AGFG2: variants seen among roughly 807,000 people sequenced by gnomAD.
The protein encoded by AGFG2 is ArfGAP with FG repeats 2.
AGFG2 carries 31 observed loss-of-function variants against 48.0 expected under a neutral mutation model. The observed-to-expected ratio is 0.65, with a 90% CI of 0.49 to 0.87. AGFG2 has a LOEUF of 0.87. AGFG2 is among the 40% of genes least tolerant of loss of function. The pLI, the probability that AGFG2 is intolerant of heterozygous loss-of-function variation, is 0.00. For synonymous variants in AGFG2, 229 were observed against 260.8 expected, an observed-to-expected ratio of 0.88 and a Z score of 1.18; for missense variants, 599 against 632.6, an observed-to-expected ratio of 0.95 and a Z score of 0.57.
intron 1 of AGFG2, among the ~76,000 whole-genome samples, chr7:100,545,928 G>A (rs1039512073): frequency 5.3e-5 from 8 of 152,164 alleles, no homozygotes; most frequent in African/African-American, 1.9e-4. Flanking sequence ...CTGACTCATA[G>A]GCCATGTAAC....
intron 3 of AGFG2, among the ~76,000 whole-genome samples, chr7:100,551,231 A>G (rs528728798): frequency 3.3e-5 from 5 of 150,220 alleles, no homozygotes; most frequent in Admixed American, 1.3e-4. Context: ...CACCACACCC[A>G]GCTAATTTTT....
intron 5 of AGFG2, 86 bp downstream of exon 5, chr7:100,554,344 T>G: frequency 6.8e-7 from 1 of 1,464,548 alleles, no homozygotes; most frequent in Non-Finnish European, 9.1e-7. Context: ...ACCATGGCTC[T>G]AGATCTTCTC....
At chr7:100,561,826 G>A (rs891332520) in intron 6 of AGFG2, among the ~76,000 whole-genome samples, 3 of 152,212 alleles carry the variant, frequency 2.0e-5, no homozygotes, top group African/African-American at 7.2e-5. Context: ...CCTCCTGAGT[G>A]TGATGGGACT....
At chr7:100,558,070 C>T (rs1050600393) in intron 6 of AGFG2, among the ~76,000 whole-genome samples, 5 of 151,998 alleles carry the variant, frequency 3.3e-5, no homozygotes, top group Non-Finnish European at 5.9e-5. Flanking sequence ...AAATATTAGC[C>T]GGGCATGGTG....
chr7:100,558,916 A>C (rs1223028452), intron 6 of AGFG2, among the ~76,000 whole-genome samples: 1 of 152,018 alleles, frequency 6.6e-6, no homozygotes, highest in Non-Finnish European at 1.5e-5. Flanking sequence ...GGGGTGCATC[A>C]TTTGAGGTCA....
rs1800911119 is a variant in AGFG2, at chr7:100,562,923, T to C, written c.1148T>C (p.Phe383Ser). The part of the protein sequence containing the change: ...AQSPLPSTNP[F>S]QPNGLAPGPG... Reference sequence around the variant, plus strand: ...TCCCCGCTGCCTTCCACCAACCCGTTCCAGCCCAATGGCTTGGCGCCAGGT... The same window carrying C: ...TCCCCGCTGCCTTCCACCAACCCGTCCCAGCCCAATGGCTTGGCGCCAGGT... The change falls in exon 9 of 12, where the codon TTC becomes TCC. Residue 383 changes from phenylalanine to serine, a missense_variant. Coordinates refer to ENST00000300176, the MANE Select transcript of AGFG2 (RefSeq NM_006076.5). This position sits in a 1 kb window ranked among gnomAD's most constrained non-coding sequence, Gnocchi z 5.4. 6.2e-7 allele frequency: 1 copy of C among 1,614,046 alleles called. No individual in the cohort carries two copies. The highest frequency in any genetic ancestry group is 8.5e-7 in the Non-Finnish European group (1 of 1,179,968).
At chr7:100,560,300 T>C (rs1035231771) in intron 6 of AGFG2, among the ~76,000 whole-genome samples, 1 of 152,022 alleles carries the variant, frequency 6.6e-6, no homozygotes, top group Non-Finnish European at 1.5e-5. Flanking sequence ...TGCCTCAGCC[T>C]CCCGTGTAGT....
chr7:100,560,068 C>A (rs137961939), intron 6 of AGFG2, among the ~76,000 whole-genome samples: 2 of 152,086 alleles, frequency 1.3e-5, no homozygotes, highest in Non-Finnish European at 2.9e-5. Flanking sequence ...GTCAGCCATC[C>A]GAGGAAAGGG....
chr7:100,551,034 A>ATATATT (rs1800622900), intron 3 of AGFG2, among the ~76,000 whole-genome samples: 1 of 37,776 alleles, frequency 2.6e-5, no homozygotes, highest in Non-Finnish European at 5.9e-5. Flanking sequence ...GCTAATTTAT[A>ATATATT]TATATATATA....
intron 6 of AGFG2, among the ~76,000 whole-genome samples, chr7:100,558,768 C>CA (rs1184186758): frequency 2.0e-5 from 3 of 152,002 alleles, no homozygotes; most frequent in Non-Finnish European, 4.4e-5. Flanking sequence ...GGGGCAGACT[C>CA]AGAGAGAAGG....
chr7:100,556,607 A>G (rs1301456132), intron 6 of AGFG2: 9 of 1,289,412 alleles, frequency 7.0e-6, no homozygotes, highest in East Asian at 5.6e-5. Flanking sequence ...GTCGGATGCT[A>G]ACTGAAAGTT....
intron 4 of AGFG2, 107 bp from the exon 5 acceptor site, chr7:100,553,986 C>T (rs1466161853): frequency 1.5e-6 from 2 of 1,353,878 alleles, no homozygotes; most frequent in African/African-American, 2.9e-5. Flanking sequence ...CAGTTACTCA[C>T]TGTCTTCTCT....
chr7:100,560,855 A>G (rs1424970915), intron 6 of AGFG2, among the ~76,000 whole-genome samples: 2 of 118,288 alleles, frequency 1.7e-5, no homozygotes, highest in African/African-American at 6.8e-5. Context: ...TCTGTCGCCC[A>G]GGCTGGAGTG....
intron 11 of AGFG2, 26 bp downstream of exon 11, chr7:100,564,329 G>T: frequency 6.2e-7 from 1 of 1,601,484 alleles, no homozygotes; most frequent in South Asian, 1.1e-5. Context: ...GGGGTGCTGT[G>T]GTAGGGCTCG....
rs1269704479 is a variant in AGFG2 at position 100,567,407 on chromosome 7, T to G, written c.*2416T>G. 1 of 152,786 alleles carries G rather than the reference T, an allele frequency of 6.5e-6. No individual in the cohort carries two copies. The highest frequency in any genetic ancestry group is 1.5e-5 in the Non-Finnish European group (1 of 68,176). 9.5% of individuals were successfully genotyped at this position (152,786 alleles called of 1,614,324 possible). Reference sequence around the variant, plus strand: ...TGACTCACCTGGGCTCACACCAACTTCTGGCCAATGCAGGGACCATGCTCT... The same window carrying G: ...TGACTCACCTGGGCTCACACCAACTGCTGGCCAATGCAGGGACCATGCTCT... On this transcript the variant is annotated 3_prime_UTR_variant, in exon 12 of 12. Coordinates refer to ENST00000300176, the MANE Select transcript of AGFG2 (RefSeq NM_006076.5).
At chr7:100,542,098 C>G (rs1342055630) in intron 1 of AGFG2, among the ~76,000 whole-genome samples, 1 of 151,946 alleles carries the variant, frequency 6.6e-6, no homozygotes, top group Admixed American at 6.6e-5. Context: ...TCATTGCAAC[C>G]CCTGCCTCCT....
Position 100,542,165 on chromosome 7 carries a change from G to A in AGFG2, c.221+2598G>A, listed in dbSNP as rs574441353. On this transcript the variant is annotated intron_variant, in intron 1 of 11. Coordinates refer to ENST00000300176, the MANE Select transcript of AGFG2 (RefSeq NM_006076.5). ...TGAGTAGCTGAGACTACAGGCACGC[G>A]CTACCACATCTGGCTAATGTTTGTA... 1.9e-4 allele frequency among the ~76,000 whole-genome samples: 29 copies of A among 152,212 alleles called. 1 individual carries two copies. The South Asian group carries it at 5.6e-3, about 29-fold the overall frequency.
chr7:100,550,305 CAAAAAAAAAAAA>C (rs61255061), intron 2 of AGFG2, 79 bp from the exon 3 acceptor site: 8 of 297,548 alleles, frequency 2.7e-5, no homozygotes, highest in Non-Finnish European at 3.4e-5. Flanking sequence ...GACTCCGTCT[CAAAAAAAAAAAA>C]AAAAAAAAAA....
intron 4 of AGFG2, 64 bp from the exon 5 acceptor site, chr7:100,554,029 G>T (rs1800703660): frequency 6.5e-7 from 1 of 1,547,094 alleles, no homozygotes; most frequent in Non-Finnish European, 8.7e-7. Flanking sequence ...AACCTGGGGA[G>T]CCAGAGGAGG....
Sources: allele counts gnomAD v4.1 joint callset (sites outside exome capture counted in the v4.1 genomes callset), GRCh38; gene constraint gnomAD v4.1.1; non-coding constraint Gnocchi (gnomAD v3.1); transcripts MANE v1.5; gene names NCBI Gene and HGNC (gene_info 2026-07-23, HGNC 2026-07-21).